HYCC1: variants seen among roughly 807,000 people sequenced by gnomAD.
The protein encoded by HYCC1 is hyccin PI4KA lipid kinase complex subunit 1.
the HYCC1 span, among the ~76,000 whole-genome samples, chr7:22,993,225 T>C: frequency 3.3e-5 from 5 of 152,128 alleles, no homozygotes; most frequent in African/African-American, 1.2e-4. Context: ...GATCATGCTG[T>C]ATGCAAAAAT....
chr7:22,968,770 C>T, the HYCC1 span, among the ~76,000 whole-genome samples: 3 of 152,070 alleles, frequency 2.0e-5, no homozygotes, highest in African/African-American at 7.2e-5. Flanking sequence ...AGATGGATCA[C>T]AAGGTCAGGT....
the HYCC1 span, among the ~76,000 whole-genome samples, chr7:22,983,261 C>T: frequency 1.3e-5 from 2 of 148,626 alleles, no homozygotes; most frequent in Non-Finnish European, 3.0e-5. Context: ...CCTGGGAGGT[C>T]AAGGCTGCAG....
chr7:22,940,258 T>TTG, the HYCC1 span: 3 of 137,996 alleles, frequency 2.2e-5, no homozygotes, highest in Non-Finnish European at 4.6e-5. Context: ...TTTTTTTTTT[T>TTG]TTTTTTTTTT....
At chr7:23,013,906 G>T in the HYCC1 span, 6 of 466,468 alleles carry the variant, frequency 1.3e-5, no homozygotes, top group Non-Finnish European at 2.7e-5. Context: ...CCCGGCGTGG[G>T]TCTCTCGGCT....
the HYCC1 span, among the ~76,000 whole-genome samples, chr7:23,000,441 C>T: frequency 6.6e-5 from 10 of 152,036 alleles, no homozygotes; most frequent in East Asian, 1.2e-3. Flanking sequence ...AAAACATGTA[C>T]ATATGTATAT....
chr7:22,983,416 G>A, the HYCC1 span, among the ~76,000 whole-genome samples: 9 of 151,858 alleles, frequency 5.9e-5, no homozygotes, highest in African/African-American at 9.7e-5. Context: ...GGCACTAGCC[G>A]GGCTAAACTA....
At chr7:22,996,148 C>G in the HYCC1 span, among the ~76,000 whole-genome samples, 1 of 151,890 alleles carries the variant, frequency 6.6e-6, no homozygotes, top group Non-Finnish European at 1.5e-5. Context: ...CAAAAATTAG[C>G]CAGGCATGGT....
the HYCC1 span, among the ~76,000 whole-genome samples, chr7:22,948,393 C>A: frequency 1.3e-5 from 2 of 152,036 alleles, no homozygotes; most frequent in Non-Finnish European, 2.9e-5. Context: ...CTGTGGTTCC[C>A]TAACTTAGCT....
At chr7:22,896,483 C>A in the HYCC1 span, among the ~76,000 whole-genome samples, 3 of 152,328 alleles carry the variant, frequency 2.0e-5, no homozygotes, top group South Asian at 6.2e-4. Flanking sequence ...AAGGCTAAAG[C>A]AGAGAGCAAT....
chr7:22,937,483 T>A, the HYCC1 span: 1 of 152,182 alleles, frequency 6.6e-6, no homozygotes, highest in Non-Finnish European at 1.5e-5. Flanking sequence ...AGAAACATGA[T>A]GCATAATTTA....
chr7:22,998,603 T>A, the HYCC1 span, among the ~76,000 whole-genome samples: 1 of 152,274 alleles, frequency 6.6e-6, no homozygotes, highest in Admixed American at 6.5e-5. Flanking sequence ...AAATATTTAT[T>A]GAATAGAAGA....
the HYCC1 span, among the ~76,000 whole-genome samples, chr7:22,896,526 C>T: frequency 2.0e-5 from 3 of 152,188 alleles, no homozygotes; most frequent in African/African-American, 7.2e-5. Flanking sequence ...AGAAACAACT[C>T]TGGTTCCAAT....
chr7:22,931,344 C>T, the HYCC1 span, among the ~76,000 whole-genome samples: 44 of 151,208 alleles, frequency 2.9e-4, no homozygotes, highest in Admixed American at 1.7e-3. Flanking sequence ...TGAATTCAGG[C>T]TTTTAGCCTC....
chr7:22,961,165 C>CTCTT, the HYCC1 span: 1 of 892,130 alleles, frequency 1.1e-6, no homozygotes, highest in Non-Finnish European at 1.7e-6. Context: ...CTATGAATGG[C>CTCTT]TCTCAATTTA....
the HYCC1 span, among the ~76,000 whole-genome samples, chr7:22,956,067 T>A: frequency 6.6e-6 from 1 of 151,884 alleles, no homozygotes; most frequent in Admixed American, 6.6e-5. Context: ...ATTATGGTCA[T>A]AATCTATTCA....
chr7:22,950,757 T>C, the HYCC1 span, among the ~76,000 whole-genome samples: 1 of 151,748 alleles, frequency 6.6e-6, no homozygotes, highest in African/African-American at 2.4e-5. Context: ...AGCTAAAGAG[T>C]AGAACTTAAT....
chr7:22,924,051 C>T, the HYCC1 span, among the ~76,000 whole-genome samples: 32 of 148,688 alleles, frequency 2.2e-4, no homozygotes, highest in African/African-American at 6.2e-4. Context: ...CGGTGGTGCA[C>T]GCCTGTAATC....
the HYCC1 span, among the ~76,000 whole-genome samples, chr7:22,906,692 A>G: frequency 1.6e-4 from 24 of 152,164 alleles, no homozygotes; most frequent in Admixed American, 3.9e-4. Flanking sequence ...GTAATATAGT[A>G]CTAATAAAAG....
At chr7:22,984,426 G>A in the HYCC1 span, among the ~76,000 whole-genome samples, 3 of 152,104 alleles carry the variant, frequency 2.0e-5, no homozygotes, top group Non-Finnish European at 2.9e-5. Context: ...TGGGATTAGA[G>A]ATGGGAATAT....
Sources: gnomAD v4.1 joint callset for allele counts (sites outside exome capture counted in the v4.1 genomes callset) on GRCh38, gnomAD v4.1.1 for gene constraint, MANE v1.5 for transcripts, NCBI Gene and HGNC (gene_info 2026-07-23, HGNC 2026-07-21) for gene names.